Variants in CSMD3 observed in about 807,000 individuals in gnomAD.
CSMD3 encodes CUB and Sushi multiple domains 3.
Under a neutral mutation model 435.2 loss-of-function variants are expected in CSMD3, and 177 were observed. The observed-to-expected ratio is 0.41, with a 90% CI of 0.36 to 0.46. The LOEUF is 0.46. CSMD3 is among the 20% of genes least tolerant of loss of function. The pLI is 0.34. For synonymous variants in CSMD3, 1,656 were observed against 1,520.5 expected, an observed-to-expected ratio of 1.09 and a Z score of -2.07; for missense variants, 4,265 against 4,504.6, an observed-to-expected ratio of 0.95 and a Z score of 1.52.
At chr8:113,425,582 A>G (rs1048648659) in intron 1 of CSMD3, among the ~76,000 whole-genome samples, 48 of 151,606 alleles carry the variant, frequency 3.2e-4, no homozygotes, top group Admixed American at 4.6e-4. Context: ...TTGTTAATAT[A>G]TTAATGAAGA....
Position 113,088,670 on chromosome 8 carries a change from T to G in CSMD3, c.917+10086A>C, listed in dbSNP as rs956192550. On this transcript the variant is annotated intron_variant, in intron 5 of 70. Transcript: ENST00000297405. ...GTGGGAATTGAACAATGAGAACACA[T>G]GGACACAAGAAGGGGAACATCACAC... Among the ~76,000 whole-genome samples, 44 of 130,594 alleles carry G rather than the reference T, an allele frequency of 3.4e-4. 1 individual carries two copies. The Admixed American group carries it at 3.6e-3, about 11-fold the overall frequency. The allele number at this position is 130,594 out of a possible 152,430, so 85.7% of individuals were successfully genotyped here.
Position 113,201,731 on chromosome 8 carries a change from T to TA in CSMD3, c.515-27816dup, listed in dbSNP as rs1176132203. ...GAAATAAAAATCGTATGCTGATTTT[T>TA]AAAAAAACCTTTAGAGCAGGAAGTT... On this transcript the variant is annotated intron_variant, in intron 3 of 70. Coordinates refer to ENST00000297405, the MANE Select transcript of CSMD3 (RefSeq NM_198123.2). Among the ~76,000 whole-genome samples, 58 of 152,108 alleles carry TA rather than the reference T, an allele frequency of 3.8e-4. 1 individual carries two copies. The highest frequency in any genetic ancestry group is 1.2e-4 in the Non-Finnish European group (8 of 67,948).
At chr8:112,353,490 T>C (rs914517134) in intron 38 of CSMD3, among the ~76,000 whole-genome samples, 1 of 152,212 alleles carries the variant, frequency 6.6e-6, no homozygotes, top group Non-Finnish European at 1.5e-5. Context: ...GAGATAACAA[T>C]GTAATTCAAA....
chr8:113,424,166 T>C (rs921599821), intron 1 of CSMD3, among the ~76,000 whole-genome samples: 2 of 151,772 alleles, frequency 1.3e-5, no homozygotes, highest in East Asian at 3.9e-4. Context: ...TTGGCAGGAA[T>C]GAGAAAAATG....
At chr8:113,227,569 G>A (rs185807379) in intron 3 of CSMD3, among the ~76,000 whole-genome samples, 2 of 151,742 alleles carry the variant, frequency 1.3e-5, no homozygotes, top group Admixed American at 6.6e-5. Context: ...CTGGTGGGAG[G>A]TGATTGGATC....
At chr8:113,014,201 C>G (rs748018584) in intron 6 of CSMD3, among the ~76,000 whole-genome samples, 50 of 152,230 alleles carry the variant, frequency 3.3e-4, no homozygotes, top group Non-Finnish European at 5.9e-4. Flanking sequence ...CCAGTGGTTA[C>G]AGCAACAATC....
chr8:112,876,846 T>A (rs1275292528), intron 10 of CSMD3, among the ~76,000 whole-genome samples: 1 of 152,176 alleles, frequency 6.6e-6, no homozygotes, highest in Non-Finnish European at 1.5e-5. Context: ...CATGATTGTA[T>A]ATTTACAAAA....
intron 6 of CSMD3, among the ~76,000 whole-genome samples, chr8:113,008,643 T>G (rs1399877394): frequency 6.6e-6 from 1 of 151,692 alleles, no homozygotes; most frequent in South Asian, 2.1e-4. Context: ...ATTTTAACTG[T>G]TGCATCATAT....
intron 1 of CSMD3, among the ~76,000 whole-genome samples, chr8:113,352,949 G>A (rs1031833335): frequency 1.1e-4 from 17 of 152,174 alleles, no homozygotes; most frequent in Admixed American, 2.0e-4. Flanking sequence ...ATTTCAGTTT[G>A]TGTTTTAAAA....
chr8:112,627,909 A>C (rs1834623219), intron 22 of CSMD3, among the ~76,000 whole-genome samples: 1 of 152,176 alleles, frequency 6.6e-6, no homozygotes, highest in Non-Finnish European at 1.5e-5. Context: ...TCCAGCCTCC[A>C]CCTTCAAAGG....
At chr8:112,679,395 G>A (rs997683537) in intron 16 of CSMD3, among the ~76,000 whole-genome samples, 1 of 152,082 alleles carries the variant, frequency 6.6e-6, no homozygotes, top group Non-Finnish European at 1.5e-5. Context: ...CATCCTTAGT[G>A]ATGTTTCCAC....
At chr8:112,710,697 A>C (rs2076591657) in intron 13 of CSMD3, among the ~76,000 whole-genome samples, 1 of 151,644 alleles carries the variant, frequency 6.6e-6, no homozygotes, top group Non-Finnish European at 1.5e-5. Context: ...AAAATCTCTT[A>C]CTTCATGAGT....
intron 23 of CSMD3, among the ~76,000 whole-genome samples, chr8:112,582,651 T>C (rs1377936203): frequency 1.3e-5 from 2 of 151,952 alleles, no homozygotes; most frequent in Non-Finnish European, 2.9e-5. Context: ...AAGGGTCACT[T>C]TTGTTGTTGA....
intron 10 of CSMD3, among the ~76,000 whole-genome samples, chr8:112,873,160 T>G (rs2130076517): frequency 6.6e-6 from 1 of 152,170 alleles, no homozygotes; most frequent in South Asian, 2.1e-4. Context: ...AATGTCTACT[T>G]GAATTTATGT....
At chr8:113,301,377 G>A (rs977107998) in intron 2 of CSMD3, among the ~76,000 whole-genome samples, 4 of 151,876 alleles carry the variant, frequency 2.6e-5, no homozygotes, top group Admixed American at 6.6e-5. Flanking sequence ...AAGAGTTAAC[G>A]CTAGTATTCT....
intron 12 of CSMD3, among the ~76,000 whole-genome samples, chr8:112,805,340 C>A (rs2079059314): frequency 6.6e-6 from 1 of 152,126 alleles, no homozygotes; most frequent in Non-Finnish European, 1.5e-5. Context: ...CAATTCATCA[C>A]TTTGGGCCCT....
At chr8:113,377,189 A>C in intron 1 of CSMD3, 2 of 1,177,216 alleles carry the variant, frequency 1.7e-6, no homozygotes, top group South Asian at 1.9e-5. Flanking sequence ...CATCCGCTCC[A>C]ATGGCCGGAA....
intron 3 of CSMD3, among the ~76,000 whole-genome samples, chr8:113,277,513 TC>T (rs1276828138): frequency 6.6e-6 from 1 of 152,006 alleles, no homozygotes; most frequent in Non-Finnish European, 1.5e-5. Flanking sequence ...TTTAAGACAT[TC>T]CCTTACATGC....
chr8:113,254,966 T>C (rs1337885386), intron 3 of CSMD3, among the ~76,000 whole-genome samples: 1 of 152,112 alleles, frequency 6.6e-6, no homozygotes, highest in Non-Finnish European at 1.5e-5. Context: ...ACTAATACAT[T>C]TGGAAAATAA....
Sources: gnomAD v4.1 joint callset for allele counts (sites outside exome capture counted in the v4.1 genomes callset) on GRCh38, gnomAD v4.1.1 for gene constraint, MANE v1.5 for transcripts, NCBI Gene and HGNC (gene_info 2026-07-23, HGNC 2026-07-21) for gene names.